Variants in KCNH8 observed in about 807,000 individuals in gnomAD.
KCNH8 encodes the protein voltage-gated delayed rectifier potassium channel KCNH8.
A neutral mutation model predicts 103.6 loss-of-function variants in KCNH8; 70 were observed. That is an observed-to-expected ratio of 0.68 (90% CI 0.56 to 0.82). The LOEUF (loss-of-function observed/expected upper bound fraction) is 0.82. Ranked by LOEUF, KCNH8 falls within the 40% of genes least tolerant of loss-of-function variation. The probability of loss-of-function intolerance (pLI) is 0.00; values close to 1 mark genes in which losing one functional copy is unlikely to be tolerated. For missense variants in KCNH8, 1,217 were observed against 1,329.9 expected, an observed-to-expected ratio of 0.92 and a Z score of 1.32; for synonymous variants, 498 against 489.4, an observed-to-expected ratio of 1.02 and a Z score of -0.23.
At chr3:19,495,013 G>A (rs533862790) in intron 11 of KCNH8, among the ~76,000 whole-genome samples, 1 of 152,246 alleles carries the variant, frequency 6.6e-6, no homozygotes, top group South Asian at 2.1e-4. Context: ...AAAAGTGGCT[G>A]TTCCTATCCT....
At chr3:19,465,428 A>G (rs113193098) in intron 11 of KCNH8, among the ~76,000 whole-genome samples, 6,360 of 152,184 alleles carry the variant, frequency 0.042, 303 homozygotes, top group East Asian at 0.23. Context: ...TCCTTTCAAA[A>G]TATTACTGCT....
intron 11 of KCNH8, among the ~76,000 whole-genome samples, chr3:19,499,266 G>C (rs1016771923): frequency 6.6e-6 from 1 of 152,120 alleles, no homozygotes; most frequent in East Asian, 1.9e-4. Context: ...AACGAGCAAA[G>C]CCTCCAAGAA....
At chr3:19,346,558 G>A (rs759507335) in intron 4 of KCNH8, 8 of 450,634 alleles carry the variant, frequency 1.8e-5, no homozygotes, top group Non-Finnish European at 3.6e-5. Flanking sequence ...ACAGGGGTGC[G>A]TTAATATTAA....
intron 15 of KCNH8, among the ~76,000 whole-genome samples, chr3:19,521,016 A>G (rs1257832933): frequency 6.6e-6 from 1 of 152,052 alleles, no homozygotes; most frequent in Non-Finnish European, 1.5e-5. Context: ...CTTTGACCAC[A>G]TTGCCATTGC....
In KCNH8 at chr3:19,513,195, G is replaced by A; in HGVS notation, c.2305G>A (p.Val769Ile). 3 of 1,613,898 alleles carry A rather than the reference G, an allele frequency of 1.9e-6. No individual in the cohort carries two copies. The highest frequency in any genetic ancestry group is 2.5e-6 in the Non-Finnish European group (3 of 1,179,944). The part of the protein sequence containing the change: ...GTVPFHSPIR[V>I]SRSNSPKTKQ... ...GGTGCCCTTTCACTCGCCTATCAGA[G>A]TCTCCAGGTCAAATTCCCCCAAAAC... Residue 769 changes from valine (V) to isoleucine (I), a missense_variant, in exon 13 of 16, where the codon GTC becomes ATC. Physicochemically the swap from Val to Ile is conservative, Grantham distance 29 (BLOSUM62 3). Transcript: ENST00000328405.
chr3:19,532,558 C>T (rs2069180708), intron 15 of KCNH8, among the ~76,000 whole-genome samples: 1 of 152,182 alleles, frequency 6.6e-6, no homozygotes, highest in Admixed American at 6.5e-5. Context: ...ACCTACCATT[C>T]ACTAGGTGTC....
chr3:19,400,231 C>CAAA (rs11422314), intron 7 of KCNH8, among the ~76,000 whole-genome samples: 1,275 of 52,968 alleles, frequency 0.024, 189 homozygotes, highest in Non-Finnish European at 0.027. Flanking sequence ...TGTTAGCCAG[C>CAAA]AAAAAAAAAA....
In KCNH8 at chr3:19,342,593, T is replaced by C. The variant is rs529739525; in HGVS notation, c.449T>C (p.Val150Ala). 1 of 1,609,778 alleles carries C rather than the reference T, an allele frequency of 6.2e-7. No homozygotes were observed. Among genetic ancestry groups the C allele is most frequent in the African/African-American group, 1.3e-5 (1 of 74,776 alleles). ...ITPEDKKEDKVKGRSRAGTHF... is the reference protein window; with the variant it reads ...ITPEDKKEDKAKGRSRAGTHF... ...GAGTTTTATTTTCCCCCAGACAAAGTCAAAGGAAGATCAAGAGCAGGGACC... is the reference window on the plus strand; with the variant it reads ...GAGTTTTATTTTCCCCCAGACAAAGCCAAAGGAAGATCAAGAGCAGGGACC... Residue 150 changes from valine (V) to alanine (A), a missense_variant, in exon 4 of 16, where the codon GTC becomes GCC. Transcript: ENST00000328405.
rs1014507418 is a variant in KCNH8, at chr3:19,534,259, G to A, written c.*160G>A. On this transcript the variant is annotated 3_prime_UTR_variant, in exon 16 of 16. Coordinates refer to ENST00000328405, the MANE Select transcript of KCNH8 (RefSeq NM_144633.3). ...GGAAAGGCAGAACCACCTCCATGCT[G>A]TAGCAAACAATTTCTAGATACTAGA... The A allele has an allele frequency of 6.6e-6, 4 of 606,666 alleles. No individual in the cohort carries two copies. Among genetic ancestry groups the A allele is most frequent in the African/African-American group, 5.6e-5 (3 of 53,894 alleles). The allele number at this position is 606,666 out of a possible 1,614,324, so 37.6% of individuals were successfully genotyped here.
chr3:19,476,106 A>G lies in KCNH8; in HGVS notation c.2040+19124A>G, dbSNP rs2067969719. 2.0e-5 allele frequency among the ~76,000 whole-genome samples: 3 copies of G among 152,296 alleles called. No homozygotes were observed. The South Asian group carries it at 6.2e-4, about 32-fold the overall frequency. Reference sequence around the variant, plus strand: ...TTCGAAGATTTCTTTAAGTAAAACAATTATGCATTTAGTCATGTGGAGGAT... The same window carrying G: ...TTCGAAGATTTCTTTAAGTAAAACAGTTATGCATTTAGTCATGTGGAGGAT... On this transcript the variant is annotated intron_variant, in intron 11 of 15. Coordinates refer to ENST00000328405, the MANE Select transcript of KCNH8 (RefSeq NM_144633.3).
At chr3:19,165,125 ACT>A (rs779394494) in intron 1 of KCNH8, among the ~76,000 whole-genome samples, 38 of 152,066 alleles carry the variant, frequency 2.5e-4, no homozygotes, top group Non-Finnish European at 5.0e-4. Context: ...CAAATTGTAC[ACT>A]CTGTGCAGTT....
chr3:19,221,284 T>C (rs772406861), intron 1 of KCNH8, among the ~76,000 whole-genome samples: 2 of 152,200 alleles, frequency 1.3e-5, no homozygotes, highest in Non-Finnish European at 2.9e-5. Context: ...GTTAGGACGC[T>C]AAGGGGCAGG....
intron 3 of KCNH8, among the ~76,000 whole-genome samples, chr3:19,285,599 T>C (rs2064819811): frequency 6.6e-6 from 1 of 152,182 alleles, no homozygotes; most frequent in Non-Finnish European, 1.5e-5. Context: ...GCTAAGTGCT[T>C]CACATAGGTG....
At chr3:19,449,803 C>G (rs1010806721) in intron 8 of KCNH8, among the ~76,000 whole-genome samples, 1 of 152,030 alleles carries the variant, frequency 6.6e-6, no homozygotes, top group Non-Finnish European at 1.5e-5. Flanking sequence ...AAAAGTTTAT[C>G]ATAACCAGAA....
At chr3:19,203,770 T>A in intron 1 of KCNH8, among the ~76,000 whole-genome samples, 1 of 152,102 alleles carries the variant, frequency 6.6e-6, no homozygotes, top group East Asian at 1.9e-4. Flanking sequence ...TCTTACACTA[T>A]ATTTTGAAAG....
At chr3:19,328,163 G>A (rs989529227) in intron 3 of KCNH8, among the ~76,000 whole-genome samples, 7 of 152,044 alleles carry the variant, frequency 4.6e-5, no homozygotes, top group African/African-American at 1.7e-4. Flanking sequence ...GATGTATTAA[G>A]CATTTTGACA....
chr3:19,375,145 G>A (rs915890224), intron 5 of KCNH8, among the ~76,000 whole-genome samples: 10 of 151,794 alleles, frequency 6.6e-5, no homozygotes, highest in South Asian at 2.1e-4. Context: ...GAATCTGAAC[G>A]TTGGCCTGCC....
intron 3 of KCNH8, among the ~76,000 whole-genome samples, chr3:19,317,955 A>C (rs898978546): frequency 2.6e-5 from 4 of 152,000 alleles, no homozygotes; most frequent in Non-Finnish European, 4.4e-5. Flanking sequence ...TGTTCAACAC[A>C]GTATTAGAAG....
chr3:19,163,520 T>C (rs930612208), intron 1 of KCNH8, among the ~76,000 whole-genome samples: 1 of 152,104 alleles, frequency 6.6e-6, no homozygotes, highest in Non-Finnish European at 1.5e-5. Flanking sequence ...GGGTTTTGGG[T>C]GTGCCTCAGA....
Sources: allele counts gnomAD v4.1 joint callset (sites outside exome capture counted in the v4.1 genomes callset), GRCh38; gene constraint gnomAD v4.1.1; transcripts MANE v1.5; gene names NCBI Gene and HGNC (gene_info 2026-07-23, HGNC 2026-07-21).